CFAP210: variants seen among roughly 807,000 people sequenced by gnomAD.
CFAP210 encodes cilia- and flagella- associated protein 210.
chr2:169,690,887 T>C, the CFAP210 span, among the ~76,000 whole-genome samples: 2 of 152,296 alleles, frequency 1.3e-5, no homozygotes, highest in African/African-American at 4.8e-5. Context: ...TCTCTTTGAG[T>C]TGAGTTTACC....
At chr2:169,651,794 C>T in the CFAP210 span, among the ~76,000 whole-genome samples, 1 of 152,210 alleles carries the variant, frequency 6.6e-6, no homozygotes, top group East Asian at 1.9e-4. Context: ...TCCATCCCCT[C>T]ACAATACTCT....
the CFAP210 span, among the ~76,000 whole-genome samples, chr2:169,660,169 A>T: frequency 6.6e-6 from 1 of 152,000 alleles, no homozygotes; most frequent in Non-Finnish European, 1.5e-5. Context: ...CGAGCAGATC[A>T]CAAGGTCAGG....
chr2:169,669,213 T>C, the CFAP210 span, among the ~76,000 whole-genome samples: 6 of 151,856 alleles, frequency 4.0e-5, no homozygotes, highest in African/African-American at 1.2e-4. Context: ...AGAGAAAACA[T>C]GAGGCAAGCA....
the CFAP210 span, among the ~76,000 whole-genome samples, chr2:169,685,683 C>T: frequency 7.6e-6 from 1 of 132,310 alleles, no homozygotes; most frequent in African/African-American, 2.5e-5. Context: ...GTTGCCTAAT[C>T]CAAGATAATA....
At chr2:169,674,927 C>CTTTT in the CFAP210 span, 2 of 1,536,106 alleles carry the variant, frequency 1.3e-6, no homozygotes, top group South Asian at 2.5e-5. Flanking sequence ...TTTCAATGGC[C>CTTTT]TTTTTTCTTT....
At chr2:169,647,210 G>A in the CFAP210 span, among the ~76,000 whole-genome samples, 1 of 151,842 alleles carries the variant, frequency 6.6e-6, no homozygotes, top group African/African-American at 2.4e-5. Flanking sequence ...AGCTAAAATC[G>A]ATCTCTAATC....
the CFAP210 span, chr2:169,674,663 T>C: frequency 6.2e-7 from 1 of 1,610,896 alleles, no homozygotes; most frequent in Non-Finnish European, 8.5e-7. Flanking sequence ...TTTTTCAATG[T>C]TGAGTTTCAA....
chr2:169,687,376 C>T, the CFAP210 span, among the ~76,000 whole-genome samples: 1 of 152,150 alleles, frequency 6.6e-6, no homozygotes, highest in Non-Finnish European at 1.5e-5. Flanking sequence ...GCCTATGAGC[C>T]TGTAAAATGA....
At chr2:169,647,416 A>AG in the CFAP210 span, among the ~76,000 whole-genome samples, 1 of 152,206 alleles carries the variant, frequency 6.6e-6, no homozygotes, top group Non-Finnish European at 1.5e-5. Context: ...AAATATATAA[A>AG]GAAAAAGTTC....
chr2:169,668,948 C>G, the CFAP210 span, among the ~76,000 whole-genome samples: 2 of 152,026 alleles, frequency 1.3e-5, no homozygotes, highest in East Asian at 3.8e-4. Context: ...AGGGTTGCCA[C>G]AAATCTTCGA....
At chr2:169,680,869 T>C in the CFAP210 span, 1 of 670,860 alleles carries the variant, frequency 1.5e-6, no homozygotes, top group Non-Finnish European at 2.5e-6. Flanking sequence ...TATACCTAAA[T>C]AACACTGTTG....
the CFAP210 span, chr2:169,649,139 A>G: frequency 1.3e-5 from 20 of 1,506,940 alleles, no homozygotes; most frequent in Middle Eastern, 3.7e-4. Flanking sequence ...TCTGTATTAT[A>G]TACTTATTAC....
the CFAP210 span, among the ~76,000 whole-genome samples, chr2:169,651,272 G>A: frequency 6.6e-6 from 1 of 151,010 alleles, no homozygotes; most frequent in Non-Finnish European, 1.5e-5. Context: ...GCACGGACCT[G>A]TAGTCCCAGC....
At chr2:169,685,435 T>C in the CFAP210 span, among the ~76,000 whole-genome samples, 1 of 152,258 alleles carries the variant, frequency 6.6e-6, no homozygotes, top group African/African-American at 2.4e-5. Flanking sequence ...TCAAATCATT[T>C]GTCCCTTTTT....
chr2:169,671,872 G>A, the CFAP210 span, among the ~76,000 whole-genome samples: 1 of 152,200 alleles, frequency 6.6e-6, no homozygotes, highest in African/African-American at 2.4e-5. Context: ...TTGTATGAAT[G>A]AATGAAGGAA....
At chr2:169,671,439 T>C in the CFAP210 span, among the ~76,000 whole-genome samples, 2 of 152,330 alleles carry the variant, frequency 1.3e-5, no homozygotes, top group African/African-American at 4.8e-5. Context: ...TTCTAATTAT[T>C]TGTTCCATTT....
chr2:169,663,718 T>C, the CFAP210 span, among the ~76,000 whole-genome samples: 1 of 151,632 alleles, frequency 6.6e-6, no homozygotes, highest in Non-Finnish European at 1.5e-5. Flanking sequence ...TCAGATTCAC[T>C]CTCTTTAGGA....
chr2:169,666,305 T>C, the CFAP210 span, among the ~76,000 whole-genome samples: 2 of 151,610 alleles, frequency 1.3e-5, no homozygotes, highest in Admixed American at 1.3e-4. Context: ...AAAACAGACA[T>C]GGCTCACTCA....
the CFAP210 span, chr2:169,654,024 A>G: frequency 1.0e-5 from 15 of 1,497,200 alleles, no homozygotes; most frequent in Non-Finnish European, 1.3e-5. Flanking sequence ...ATAATCATAA[A>G]ATCATAATAA....
Sources: gnomAD v4.1 joint callset for allele counts (sites outside exome capture counted in the v4.1 genomes callset) on GRCh38, gnomAD v4.1.1 for gene constraint, MANE v1.5 for transcripts, NCBI Gene and HGNC (gene_info 2026-07-23, HGNC 2026-07-21) for gene names.